Variants in MCOLN3 observed in about 807,000 individuals in gnomAD.
MCOLN3 encodes the protein mucolipin-3.
MCOLN3 carries 62 observed loss-of-function variants against 69.4 expected under a neutral mutation model. The observed-to-expected ratio is 0.89, with a 90% CI of 0.73 to 1.10. The LOEUF (loss-of-function observed/expected upper bound fraction) is 1.10. MCOLN3 is among the 50% of genes least tolerant of loss of function. MCOLN3 has a pLI of 0.00. For missense variants in MCOLN3, 564 were observed against 656.4 expected, an observed-to-expected ratio of 0.86 and a Z score of 1.54; for synonymous variants, 183 against 217.0, an observed-to-expected ratio of 0.84 and a Z score of 1.38.
At chr1:85,046,762 T>G (rs1204163059) in intron 1 of MCOLN3, among the ~76,000 whole-genome samples, 1 of 152,182 alleles carries the variant, frequency 6.6e-6, no homozygotes, top group Non-Finnish European at 1.5e-5. Context: ...ATGAAAAGAT[T>G]AATAAGGATA....
In MCOLN3 at chr1:85,018,563, C is replaced by T. The variant is rs1651772467; in HGVS notation, c.*560G>A. 1.3e-5 allele frequency: 2 copies of T among 152,460 alleles called. No homozygotes were observed. Among genetic ancestry groups the T allele is most frequent in the Non-Finnish European group, 2.9e-5 (2 of 68,264 alleles). The allele number at this position is 152,460 out of a possible 1,614,324, so 9.4% of individuals were successfully genotyped here. On this transcript the variant is annotated 3_prime_UTR_variant, in exon 13 of 13. Transcript: ENST00000370589. ...AGAACATATCTCCATCCTTAAGTGA[C>T]ATATGGCCGTATCACATTGTTAGCT...
intron 7 of MCOLN3, among the ~76,000 whole-genome samples, chr1:85,026,648 T>A (rs1289219027): frequency 6.6e-6 from 1 of 151,454 alleles, no homozygotes; most frequent in Admixed American, 6.6e-5. Flanking sequence ...TCCCAGCTAC[T>A]TGGGAGGCTG....
chr1:85,044,659 T>C (rs544426776), intron 2 of MCOLN3, among the ~76,000 whole-genome samples: 1 of 152,346 alleles, frequency 6.6e-6, no homozygotes, highest in South Asian at 2.1e-4. Context: ...TTCTGTTAGT[T>C]AACTTCACAT....
chr1:85,034,518 T>C (rs1003308676), intron 3 of MCOLN3, among the ~76,000 whole-genome samples: 1 of 152,360 alleles, frequency 6.6e-6, no homozygotes, highest in South Asian at 2.1e-4. Context: ...TGAAGCCACA[T>C]ACTCTTTGCA....
intron 7 of MCOLN3, among the ~76,000 whole-genome samples, chr1:85,026,718 C>T (rs1367040634): frequency 6.6e-6 from 1 of 150,838 alleles, no homozygotes; most frequent in Non-Finnish European, 1.5e-5. Context: ...GATCATGCCA[C>T]TGTACTCCAG....
chr1:85,021,866 A>C (rs1306210043), intron 11 of MCOLN3, among the ~76,000 whole-genome samples: 1 of 152,200 alleles, frequency 6.6e-6, no homozygotes, highest in Non-Finnish European at 1.5e-5. Flanking sequence ...TATTGCAAGA[A>C]AGAATGTGAG....
intron 4 of MCOLN3, among the ~76,000 whole-genome samples, chr1:85,033,521 AATGACCTAAGCTAATATTTTAGGC>A (rs1369496040): frequency 6.6e-6 from 1 of 152,204 alleles, no homozygotes; most frequent in Admixed American, 6.5e-5. Flanking sequence ...TTTTTAACTC[AATGACCTAAGCTAATATTTTAGGC>A]ATAATTGCAA....
intron 3 of MCOLN3, among the ~76,000 whole-genome samples, chr1:85,035,261 C>G (rs1652748571): frequency 6.6e-6 from 1 of 152,198 alleles, no homozygotes; most frequent in African/African-American, 2.4e-5. Flanking sequence ...TTTGGCCTAT[C>G]TTTGGGTTCA....
intron 2 of MCOLN3, among the ~76,000 whole-genome samples, chr1:85,044,252 G>A (rs1653225914): frequency 6.6e-6 from 1 of 152,142 alleles, no homozygotes; most frequent in Non-Finnish European, 1.5e-5. Flanking sequence ...AATTGCCTTG[G>A]TTCCCTAACA....
chr1:85,030,599 G>A (rs1652460430), intron 6 of MCOLN3, among the ~76,000 whole-genome samples: 2 of 152,034 alleles, frequency 1.3e-5, no homozygotes, highest in Admixed American at 1.3e-4. Context: ...CAAATATAAT[G>A]ACAACTATAA....
intron 1 of MCOLN3, among the ~76,000 whole-genome samples, chr1:85,045,794 C>G (rs1292363329): frequency 6.6e-6 from 1 of 152,094 alleles, no homozygotes; most frequent in African/African-American, 2.4e-5. Flanking sequence ...TGGGAGGTAA[C>G]TAAAACTTTC....
At chr1:85,041,294 A>C in intron 2 of MCOLN3, 117 bp from the exon 3 acceptor site, 1 of 806,616 alleles carries the variant, frequency 1.2e-6, no homozygotes, top group Non-Finnish European at 1.8e-6. Flanking sequence ...TCTCTGGGAC[A>C]TCAAGAAGGT....
chr1:85,031,788 A>T (rs976951284), intron 6 of MCOLN3, among the ~76,000 whole-genome samples: 2 of 152,152 alleles, frequency 1.3e-5, no homozygotes, highest in Admixed American at 6.5e-5. Context: ...TAAAGAAAAA[A>T]TAGGCTGGGC....
At chr1:85,022,044 A>T in intron 11 of MCOLN3, 26 bp downstream of exon 11, 1 of 1,602,786 alleles carries the variant, frequency 6.2e-7, no homozygotes, top group Non-Finnish European at 8.5e-7. Flanking sequence ...CTTAATAGTA[A>T]CAGGAAAAAA....
chr1:85,045,909 G>A (rs1224501728), intron 1 of MCOLN3, among the ~76,000 whole-genome samples: 1 of 152,132 alleles, frequency 6.6e-6, no homozygotes, highest in Non-Finnish European at 1.5e-5. Flanking sequence ...ATGACTTGAC[G>A]TTTCTGCAAT....
chr1:85,031,195 C>T (rs1446945897), intron 6 of MCOLN3, among the ~76,000 whole-genome samples: 1 of 149,764 alleles, frequency 6.7e-6, no homozygotes, highest in East Asian at 2.0e-4. Flanking sequence ...CGCTTGAACC[C>T]GGGAGGCAGA....
intron 2 of MCOLN3, among the ~76,000 whole-genome samples, chr1:85,042,949 A>G (rs1352040353): frequency 6.6e-6 from 1 of 152,204 alleles, no homozygotes; most frequent in African/African-American, 2.4e-5. Context: ...TCCTTTTAAA[A>G]ACTTACCTAA....
intron 1 of MCOLN3, chr1:85,047,261 C>T (rs180726270): frequency 1.6e-4 from 25 of 152,374 alleles, no homozygotes; most frequent in African/African-American, 6.0e-4. Context: ...CAGCACATCA[C>T]AACGAGTTGT....
chr1:85,035,993 C>T (rs1205538125), intron 3 of MCOLN3, among the ~76,000 whole-genome samples: 1 of 152,180 alleles, frequency 6.6e-6, no homozygotes, highest in Non-Finnish European at 1.5e-5. Context: ...GAGAGACCTT[C>T]TCCAACCACC....
Sources: gnomAD v4.1 joint callset for allele counts (sites outside exome capture counted in the v4.1 genomes callset) on GRCh38, gnomAD v4.1.1 for gene constraint, MANE v1.5 for transcripts, NCBI Gene and HGNC (gene_info 2026-07-23, HGNC 2026-07-21) for gene names.